Variants in FAM13A observed in about 807,000 individuals in gnomAD.
FAM13A encodes the protein protein FAM13A.
FAM13A carries 76 observed loss-of-function variants against 129.6 expected under a neutral mutation model. The ratio of observed to expected loss-of-function variants is 0.59; its 90% CI spans 0.49 to 0.71. The LOEUF (loss-of-function observed/expected upper bound fraction) is 0.71, where lower values mean the gene tolerates loss of function less well. Ranked by LOEUF, FAM13A falls within the 30% of genes least tolerant of loss-of-function variation. The probability of loss-of-function intolerance (pLI) is 0.00; values close to 1 mark genes in which losing one functional copy is unlikely to be tolerated. For synonymous variants in FAM13A, 443 were observed against 449.9 expected (o/e 0.98, Z 0.20); for missense variants, 1,108 against 1,249.3 (o/e 0.89, Z 1.70).
chr4:89,001,176 A>G (rs1321200426), intron 3 of FAM13A, among the ~76,000 whole-genome samples: 1 of 152,252 alleles, frequency 6.6e-6, no homozygotes, highest in African/African-American at 2.4e-5. Context: ...GGGTGGTTAT[A>G]GATACAAATA....
chr4:88,746,797 T>A (rs1487551712), intron 19 of FAM13A, 135 bp downstream of exon 19: 2 of 638,286 alleles, frequency 3.1e-6, no homozygotes, highest in Non-Finnish European at 5.6e-6. Flanking sequence ...GGTGTAAATA[T>A]ATACTAACCT....
chr4:88,910,535 G>A (rs28577226), intron 5 of FAM13A, among the ~76,000 whole-genome samples: 1 of 152,034 alleles, frequency 6.6e-6, no homozygotes, highest in African/African-American at 2.4e-5. Flanking sequence ...TGCCACCTGG[G>A]AAGGGATATT....
chr4:88,749,689 T>G (rs1182412307), intron 16 of FAM13A, 82 bp downstream of exon 16: 6 of 1,457,226 alleles, frequency 4.1e-6, no homozygotes, highest in Admixed American at 1.8e-5. Context: ...CCTTAACCTT[T>G]CGTCGTTTCT....
At chr4:88,982,824 G>A (rs1301067781) in intron 4 of FAM13A, among the ~76,000 whole-genome samples, 1 of 152,186 alleles carries the variant, frequency 6.6e-6, no homozygotes, top group Non-Finnish European at 1.5e-5. Context: ...TAGTGACTCT[G>A]TGAGGTGATG....
intron 6 of FAM13A, among the ~76,000 whole-genome samples, chr4:88,860,268 T>C (rs1376801975): frequency 6.6e-6 from 1 of 152,182 alleles, no homozygotes; most frequent in African/African-American, 2.4e-5. Flanking sequence ...ATAAATATTA[T>C]GGGGAAAAAT....
intron 1 of FAM13A, among the ~76,000 whole-genome samples, chr4:89,035,937 G>A (rs17819929): frequency 0.14 from 20,716 of 152,116 alleles, 1,657 homozygotes; most frequent in Non-Finnish European, 0.18. Context: ...TTTGTGAAGG[G>A]CCAGGTACAG....
intron 1 of FAM13A, among the ~76,000 whole-genome samples, chr4:89,050,619 T>G (rs1406480208): frequency 2.0e-5 from 3 of 152,088 alleles, no homozygotes; most frequent in African/African-American, 7.2e-5. Flanking sequence ...GGGATGAATC[T>G]GATACCAAAC....
At chr4:88,947,281 T>C (rs946295580) in intron 4 of FAM13A, among the ~76,000 whole-genome samples, 4 of 152,102 alleles carry the variant, frequency 2.6e-5, no homozygotes, top group Non-Finnish European at 5.9e-5. Context: ...CGTGGTAGTG[T>C]GCACCTGTAG....
chr4:89,014,931 C>T (rs1392361423), intron 3 of FAM13A, among the ~76,000 whole-genome samples: 2 of 152,152 alleles, frequency 1.3e-5, no homozygotes, highest in Admixed American at 1.3e-4. Context: ...CAGAACAGAG[C>T]CATATTTGTC....
intron 8 of FAM13A, 125 bp from the exon 9 acceptor site, chr4:88,790,752 T>G: frequency 2.7e-6 from 2 of 745,878 alleles, no homozygotes; most frequent in South Asian, 3.5e-5. Context: ...CAAAACAATG[T>G]TTAACCATCC....
At chr4:88,751,562 C>T (rs976753523) in intron 14 of FAM13A, among the ~76,000 whole-genome samples, 7 of 151,150 alleles carry the variant, frequency 4.6e-5, no homozygotes, top group African/African-American at 1.5e-4. Context: ...AGAAGAAAAA[C>T]GAACACCTTA....
intron 4 of FAM13A, among the ~76,000 whole-genome samples, chr4:88,946,302 C>A (rs1463929164): frequency 1.3e-5 from 2 of 151,572 alleles, no homozygotes; most frequent in Non-Finnish European, 2.9e-5. Flanking sequence ...ACTCAGTCTC[C>A]TCTGTCCGGT....
At chr4:88,988,027 A>G (rs1762483538) in intron 4 of FAM13A, among the ~76,000 whole-genome samples, 1 of 152,122 alleles carries the variant, frequency 6.6e-6, no homozygotes, top group Non-Finnish European at 1.5e-5. Context: ...ATCAGGAAAA[A>G]CAGCTAATGT....
At chr4:88,934,849 G>C (rs1398193151) in intron 5 of FAM13A, among the ~76,000 whole-genome samples, 1 of 152,132 alleles carries the variant, frequency 6.6e-6, no homozygotes, top group Admixed American at 6.6e-5. Context: ...AATGCCAAGG[G>C]CCAACATATA....
chr4:88,795,880 AATT>A (rs1379872988), intron 8 of FAM13A, among the ~76,000 whole-genome samples: 1 of 151,808 alleles, frequency 6.6e-6, no homozygotes, highest in African/African-American at 2.4e-5. Context: ...TCTTTTAAAA[AATT>A]ATTATAACCC....
chr4:88,843,365 G>A (rs1049597288), intron 7 of FAM13A, among the ~76,000 whole-genome samples: 2 of 152,144 alleles, frequency 1.3e-5, no homozygotes, highest in Admixed American at 6.5e-5. Context: ...AAATTATATT[G>A]TACACGTGAT....
chr4:89,029,852 A>AC, intron 1 of FAM13A: 1 of 595,892 alleles, frequency 1.7e-6, no homozygotes. Context: ...GTAATGAAAA[A>AC]CCTAAAGCCA....
intron 20 of FAM13A, among the ~76,000 whole-genome samples, chr4:88,738,691 G>C (rs1050276324): frequency 6.6e-6 from 1 of 152,206 alleles, no homozygotes; most frequent in Admixed American, 6.5e-5. Flanking sequence ...ACTCTTTGGA[G>C]TGAAGAGGCC....
intron 6 of FAM13A, among the ~76,000 whole-genome samples, chr4:88,878,635 G>C (rs560861751): frequency 1.5e-4 from 23 of 152,034 alleles, no homozygotes; most frequent in Non-Finnish European, 3.2e-4. Context: ...CTCAATATTG[G>C]TTTTCAATAT....
Sources: gnomAD v4.1 joint callset for allele counts (sites outside exome capture counted in the v4.1 genomes callset) on GRCh38, gnomAD v4.1.1 for gene constraint, MANE v1.5 for transcripts, NCBI Gene and HGNC (gene_info 2026-07-23, HGNC 2026-07-21) for gene names.